Variants in RORA observed in about 807,000 individuals in gnomAD.
The protein encoded by RORA is RAR related orphan receptor A.
A neutral mutation model predicts 69.5 loss-of-function variants in RORA; 7 were observed. The ratio of observed to expected loss-of-function variants is 0.10; its 90% CI spans 0.06 to 0.19. RORA has a LOEUF of 0.19. Ranked by LOEUF, RORA falls within the 10% of genes least tolerant of loss-of-function variation. The probability of loss-of-function intolerance (pLI) is 1.00; values close to 1 mark genes in which losing one functional copy is unlikely to be tolerated. For synonymous variants in RORA, 261 were observed against 240.8 expected, an observed-to-expected ratio of 1.08 and a Z score of -0.78; for missense variants, 457 against 663.0, an observed-to-expected ratio of 0.69 and a Z score of 3.41.
intron 1 of RORA, among the ~76,000 whole-genome samples, chr15:61,208,562 C>T (rs1386400024): frequency 1.3e-5 from 2 of 152,110 alleles, no homozygotes; most frequent in African/African-American, 2.4e-5. Context: ...AATTATGCTT[C>T]AATAATAATT....
At chr15:60,515,822 A>G (rs1205236531) in intron 3 of RORA, among the ~76,000 whole-genome samples, 1 of 144,730 alleles carries the variant, frequency 6.9e-6, no homozygotes, top group Non-Finnish European at 1.5e-5. Flanking sequence ...CTCCTGCCTC[A>G]GCCTCCTGAG....
rs528321018 is a variant in RORA at position 60,834,209 on chromosome 15, A to G, written c.167-155523T>C. 2.6e-5 allele frequency among the ~76,000 whole-genome samples: 4 copies of G among 152,368 alleles called. 1 individual carries two copies. In the South Asian group the frequency reaches 8.3e-4, roughly 32 times the overall value. On this transcript the variant is annotated intron_variant, in intron 1 of 10. Transcript: ENST00000335670. ...TGCAAAGAAGGCACAAAATAGCGGTACATGTCAAACTGAGGTCTCAAACCC... is the reference window on the plus strand; with the variant it reads ...TGCAAAGAAGGCACAAAATAGCGGTGCATGTCAAACTGAGGTCTCAAACCC...
rs1197312653 is a variant in RORA, at chr15:60,971,365, T to C, written c.166+257688A>G. 2.0e-5 allele frequency among the ~76,000 whole-genome samples: 3 copies of C among 152,192 alleles called. No homozygotes were observed. The South Asian group carries it at 6.2e-4, about 32-fold the overall frequency. On this transcript the variant is annotated intron_variant, in intron 1 of 10. Transcript: ENST00000335670. ...TTCCTCTCTCATGGGTCCTTGCTGG[T>C]GTCTCCCATGGCCTAGCACAAAGCA...
intron 1 of RORA, among the ~76,000 whole-genome samples, chr15:60,996,772 T>G (rs1474284121): frequency 2.0e-5 from 3 of 151,334 alleles, no homozygotes; most frequent in Non-Finnish European, 4.4e-5. Context: ...TAGCCGGGAG[T>G]GGTGGCAGGC....
At chr15:60,907,808 C>T (rs942005680) in intron 1 of RORA, among the ~76,000 whole-genome samples, 1 of 152,182 alleles carries the variant, frequency 6.6e-6, no homozygotes, top group Admixed American at 6.5e-5. Context: ...GGCAAGGCTG[C>T]CCCGCTTGTC....
At chr15:61,140,773 G>A (rs184075795) in intron 1 of RORA, among the ~76,000 whole-genome samples, 48 of 152,212 alleles carry the variant, frequency 3.2e-4, no homozygotes, top group African/African-American at 7.0e-4. Context: ...TGGTACTCTG[G>A]GCAGTGGCGG....
intron 1 of RORA, among the ~76,000 whole-genome samples, chr15:61,160,789 A>G (rs1367058427): frequency 6.6e-6 from 1 of 152,216 alleles, no homozygotes; most frequent in Non-Finnish European, 1.5e-5. Context: ...AGCTGTCTTC[A>G]CAAACGAAGA....
chr15:60,930,224 C>T (rs529905794), intron 1 of RORA, among the ~76,000 whole-genome samples: 1 of 152,122 alleles, frequency 6.6e-6, no homozygotes, highest in Non-Finnish European at 1.5e-5. Flanking sequence ...AACATAAGAC[C>T]TGATATGCCA....
At chr15:60,988,779 T>A (rs765842564) in intron 1 of RORA, among the ~76,000 whole-genome samples, 9 of 152,214 alleles carry the variant, frequency 5.9e-5, no homozygotes, top group Non-Finnish European at 1.3e-4. Flanking sequence ...CTTAAAGGGC[T>A]GACCTAGATT....
At chr15:61,220,084 A>T (rs532841986) in intron 1 of RORA, among the ~76,000 whole-genome samples, 1 of 152,374 alleles carries the variant, frequency 6.6e-6, no homozygotes, top group Non-Finnish European at 1.5e-5. Flanking sequence ...ACATGTGCTC[A>T]TCCAAAGCAC....
At chr15:60,513,212 G>T (rs913207483) in intron 4 of RORA, among the ~76,000 whole-genome samples, 10 of 152,222 alleles carry the variant, frequency 6.6e-5, no homozygotes, top group African/African-American at 2.4e-4. Context: ...CTTGGGTGGG[G>T]CTGCTCAGGC....
At chr15:61,171,063 T>G (rs2079580708) in intron 1 of RORA, among the ~76,000 whole-genome samples, 1 of 152,162 alleles carries the variant, frequency 6.6e-6, no homozygotes, top group African/African-American at 2.4e-5. Flanking sequence ...GATTTGAATT[T>G]GCTATTGTCT....
At chr15:60,753,121 C>A (rs1199706029) in intron 1 of RORA, among the ~76,000 whole-genome samples, 1 of 152,170 alleles carries the variant, frequency 6.6e-6, no homozygotes, top group Non-Finnish European at 1.5e-5. Context: ...AACTGTAGCC[C>A]ATGATTCCAC....
At chr15:61,014,037 C>T (rs1310312056) in intron 1 of RORA, among the ~76,000 whole-genome samples, 1 of 152,100 alleles carries the variant, frequency 6.6e-6, no homozygotes, top group African/African-American at 2.4e-5. Flanking sequence ...CCCGCCTCGG[C>T]CTCCCAAAGT....
intron 2 of RORA, among the ~76,000 whole-genome samples, chr15:60,652,201 C>G (rs985927981): frequency 6.6e-6 from 1 of 151,968 alleles, no homozygotes; most frequent in Admixed American, 6.6e-5. Context: ...TTTAAATCCT[C>G]GCCCTGCTAT....
intron 1 of RORA, among the ~76,000 whole-genome samples, chr15:60,785,499 T>C (rs1414239105): frequency 6.6e-6 from 1 of 152,228 alleles, no homozygotes; most frequent in African/African-American, 2.4e-5. Flanking sequence ...ATGCATTCTT[T>C]TGAACAGATT....
At chr15:61,084,581 A>C (rs2078594985) in intron 1 of RORA, among the ~76,000 whole-genome samples, 1 of 152,196 alleles carries the variant, frequency 6.6e-6, no homozygotes, top group Non-Finnish European at 1.5e-5. Flanking sequence ...CTCATTTCCT[A>C]AATTTCAACT....
chr15:61,220,308 G>A (rs897474428), intron 1 of RORA, among the ~76,000 whole-genome samples: 1 of 152,170 alleles, frequency 6.6e-6, no homozygotes, highest in African/African-American at 2.4e-5. Context: ...TAATATCCCC[G>A]TCACACAAAC....
chr15:61,197,314 A>C, intron 1 of RORA, among the ~76,000 whole-genome samples: 1 of 152,238 alleles, frequency 6.6e-6, no homozygotes, highest in Non-Finnish European at 1.5e-5. Context: ...AGGTTGCCTT[A>C]CAGGGAGAAC....
Sources: allele counts gnomAD v4.1 joint callset (sites outside exome capture counted in the v4.1 genomes callset), GRCh38; gene constraint gnomAD v4.1.1; transcripts MANE v1.5; gene names NCBI Gene and HGNC (gene_info 2026-07-23, HGNC 2026-07-21).